RBFOX1: variants seen among roughly 807,000 people sequenced by gnomAD.
RBFOX1 encodes the protein RNA binding protein fox-1 homolog 1.
In RBFOX1, 8 loss-of-function variants were observed where a neutral mutation model predicts 57.7. That is an observed-to-expected ratio of 0.14 (90% CI 0.08 to 0.25). RBFOX1 has a LOEUF of 0.25. Among genes scored for constraint, RBFOX1 ranks in the 10% least tolerant of loss-of-function variants. The probability of loss-of-function intolerance (pLI) is 1.00; values close to 1 mark genes in which losing one functional copy is unlikely to be tolerated. For missense variants in RBFOX1, 611 were observed against 548.5 expected, an observed-to-expected ratio of 1.11 and a Z score of -1.14; for synonymous variants, 326 against 222.4, an observed-to-expected ratio of 1.47 and a Z score of -4.15.
intron 4 of RBFOX1, among the ~76,000 whole-genome samples, chr16:7,242,053 T>A (rs941024036): frequency 1.3e-5 from 2 of 152,154 alleles, no homozygotes; most frequent in Non-Finnish European, 1.5e-5. Context: ...GCTATTACCA[T>A]AGGCACCTCA....
chr16:6,883,265 C>T lies in RBFOX1; in HGVS notation c.-15-168792C>T, dbSNP rs375211745. Among the ~76,000 whole-genome samples the T allele has an allele frequency of 1.7e-3, 258 of 152,152 alleles. 1 individual carries two copies. Among genetic ancestry groups the T allele is most frequent in the African/African-American group, 5.7e-3 (236 of 41,522 alleles). ...TATGGGTTTTCTTTTTTAAAGTTGT[C>T]CTAGACCTTCTTTTTGCTTGCTTAA... On this transcript the variant is annotated intron_variant, in intron 3 of 15. Coordinates refer to ENST00000550418, the MANE Select transcript of RBFOX1 (RefSeq NM_018723.4).
chr16:6,951,118 G>A (rs1205259958), intron 3 of RBFOX1, among the ~76,000 whole-genome samples: 1 of 152,018 alleles, frequency 6.6e-6, no homozygotes, highest in Non-Finnish European at 1.5e-5. Flanking sequence ...TGTTGCCCAG[G>A]CTGGTCTTAA....
chr16:5,798,014 G>A (rs2054935496), intron 3 of RBFOX1, among the ~76,000 whole-genome samples: 1 of 152,152 alleles, frequency 6.6e-6, no homozygotes, highest in East Asian at 1.9e-4. Flanking sequence ...GCGAAGCCCT[G>A]GGAATATATA....
intron 4 of RBFOX1, among the ~76,000 whole-genome samples, chr16:5,993,294 A>G (rs1419143928): frequency 1.3e-5 from 2 of 151,598 alleles, no homozygotes; most frequent in Admixed American, 6.6e-5. Flanking sequence ...TGTGAAAACC[A>G]CAAGAGAGAA....
At chr16:6,851,835 C>T (rs918163999) in intron 3 of RBFOX1, among the ~76,000 whole-genome samples, 1 of 152,102 alleles carries the variant, frequency 6.6e-6, no homozygotes, top group African/African-American at 2.4e-5. Context: ...GGATGATGCC[C>T]TGTGTGCTTG....
At chr16:7,380,795 A>T (rs927503339) in intron 4 of RBFOX1, among the ~76,000 whole-genome samples, 23 of 152,350 alleles carry the variant, frequency 1.5e-4, no homozygotes, top group Non-Finnish European at 4.4e-5. Context: ...AATAAACTTA[A>T]AATCCCTAAT....
chr16:6,295,366 T>G (rs2077985728), intron 1 of RBFOX1, among the ~76,000 whole-genome samples: 1 of 152,128 alleles, frequency 6.6e-6, no homozygotes, highest in African/African-American at 2.4e-5. Context: ...CCTTGTGATC[T>G]GTCCACCTTG....
At chr16:5,603,807 A>T (rs1318670880), downstream of RBFOX1, among the ~76,000 whole-genome samples, 1 of 152,230 alleles carries the variant, frequency 6.6e-6, no homozygotes. Context: ...AGAAACTTGC[A>T]GGTACATGTT....
At chr16:7,317,879 A>T (rs1220250367) in intron 4 of RBFOX1, among the ~76,000 whole-genome samples, 2 of 152,230 alleles carry the variant, frequency 1.3e-5, no homozygotes, top group Non-Finnish European at 2.9e-5. Context: ...GTATGGCACG[A>T]GCTAGTTTGT....
At chr16:5,444,841 C>A (rs1381238941) in intron 1 of RBFOX1, among the ~76,000 whole-genome samples, 1 of 152,134 alleles carries the variant, frequency 6.6e-6, no homozygotes, top group Non-Finnish European at 1.5e-5. Context: ...TCTTATAGGT[C>A]CAGGATAGCT....
chr16:5,726,511 T>A (rs2052158044), intron 3 of RBFOX1, among the ~76,000 whole-genome samples: 1 of 152,216 alleles, frequency 6.6e-6, no homozygotes, highest in African/African-American at 2.4e-5. Context: ...CCAGAATTGC[T>A]GGGCCAGCCC....
chr16:5,781,143 G>A (rs912684646), intron 3 of RBFOX1, among the ~76,000 whole-genome samples: 3 of 152,210 alleles, frequency 2.0e-5, no homozygotes, highest in Admixed American at 6.5e-5. Context: ...AACAGTCACC[G>A]AAAAGTATGG....
intron 1 of RBFOX1, among the ~76,000 whole-genome samples, chr16:6,129,770 A>T (rs900057644): frequency 2.0e-5 from 3 of 151,702 alleles, no homozygotes; most frequent in Non-Finnish European, 4.4e-5. Flanking sequence ...CATAGATAAT[A>T]TTGAAAACAG....
intron 2 of RBFOX1, among the ~76,000 whole-genome samples, chr16:6,547,093 C>G (rs1371105055): frequency 6.6e-6 from 1 of 152,180 alleles, no homozygotes; most frequent in Non-Finnish European, 1.5e-5. Context: ...CTTCCCCTGC[C>G]CAACTCTATT....
chr16:7,556,971 A>G (rs2088721859), intron 5 of RBFOX1, among the ~76,000 whole-genome samples: 1 of 152,226 alleles, frequency 6.6e-6, no homozygotes, highest in East Asian at 1.9e-4. Context: ...GTTAACAACA[A>G]CGACATCCTC....
rs375012840 is a variant in RBFOX1, at chr16:6,410,825, G to C, written c.-64+93768G>C. On this transcript the variant is annotated intron_variant, in intron 2 of 15. Transcript: ENST00000550418. ...GTGGAAACAAACCTACCTGGAAGTAGGCACTGTGGTCTGCACCATTCGGCA... is the reference window on the plus strand; with the variant it reads ...GTGGAAACAAACCTACCTGGAAGTACGCACTGTGGTCTGCACCATTCGGCA... Among the ~76,000 whole-genome samples, 111 of 152,298 alleles carry C rather than the reference G, an allele frequency of 7.3e-4. 1 individual carries two copies. The highest frequency in any genetic ancestry group is 2.6e-3 in the African/African-American group (106 of 41,548).
chr16:5,478,640 G>A (rs149401325), intron 2 of RBFOX1, among the ~76,000 whole-genome samples: 1 of 152,204 alleles, frequency 6.6e-6, no homozygotes, highest in Non-Finnish European at 1.5e-5. Context: ...CAAATGGGTA[G>A]CATCTGCTTA....
Position 5,872,490 on chromosome 16 carries a change from G to T in RBFOX1, c.351+5155G>T, listed in dbSNP as rs114580696. 3.4e-3 allele frequency among the ~76,000 whole-genome samples: 512 copies of T among 152,304 alleles called. 4 individuals are homozygous for T. Among genetic ancestry groups the T allele is most frequent in the African/African-American group, 0.012 (493 of 41,562 alleles). ...TCACACCTGTAGTCCTAGCATTTTG[G>T]AGGGCCAAGGCAGGAAGATCACTTG... On this transcript the variant is annotated intron_variant, in intron 4 of 19. Transcript: ENST00000641259.
chr16:5,728,691 G>A (rs941670022), intron 3 of RBFOX1, among the ~76,000 whole-genome samples: 4 of 152,202 alleles, frequency 2.6e-5, no homozygotes, highest in Admixed American at 6.5e-5. Flanking sequence ...TTGTCTGGCC[G>A]CCCCTCCCCT....
Sources: allele counts gnomAD v4.1 joint callset (sites outside exome capture counted in the v4.1 genomes callset), GRCh38; gene constraint gnomAD v4.1.1; transcripts MANE v1.5; gene names NCBI Gene and HGNC (gene_info 2026-07-23, HGNC 2026-07-21).